UGGT2: variants seen among roughly 807,000 people sequenced by gnomAD.
The protein encoded by UGGT2 is UDP-glucose:glycoprotein glucosyltransferase 2.
Under a neutral mutation model 192.1 loss-of-function variants are expected in UGGT2, and 180 were observed. That is an observed-to-expected ratio of 0.94 (90% CI 0.83 to 1.06). The LOEUF is 1.06. Among genes scored for constraint, UGGT2 ranks in the 50% least tolerant of loss-of-function variants. The pLI is 0.00. For missense variants in UGGT2, 1,849 were observed against 1,795.7 expected (o/e 1.03, Z -0.54); for synonymous variants, 580 against 591.0 (o/e 0.98, Z 0.27).
At chr13:95,905,488 G>A (rs2048257435) in intron 20 of UGGT2, among the ~76,000 whole-genome samples, 1 of 151,704 alleles carries the variant, frequency 6.6e-6, no homozygotes, top group Non-Finnish European at 1.5e-5. Flanking sequence ...GTGTAAGGAA[G>A]GGATCCAGTT....
chr13:95,915,795 G>A (rs1487106393), intron 20 of UGGT2, among the ~76,000 whole-genome samples: 1 of 152,178 alleles, frequency 6.6e-6, no homozygotes, highest in African/African-American at 2.4e-5. Flanking sequence ...TGGCCAGACT[G>A]CTTCTTTAAG....
chr13:95,991,469 C>T (rs1338785306), intron 7 of UGGT2: 3 of 454,416 alleles, frequency 6.6e-6, no homozygotes, highest in Non-Finnish European at 1.3e-5. Context: ...AGTCAATAGA[C>T]AAGCCTTTGA....
At chr13:95,987,704 T>C (rs1331484249) in intron 8 of UGGT2, among the ~76,000 whole-genome samples, 1 of 152,142 alleles carries the variant, frequency 6.6e-6, no homozygotes, top group African/African-American at 2.4e-5. Flanking sequence ...GTGCATGAAA[T>C]CAGTCCTTAA....
At chr13:96,028,686 A>G (rs927870319) in intron 2 of UGGT2, among the ~76,000 whole-genome samples, 1 of 152,264 alleles carries the variant, frequency 6.6e-6, no homozygotes, top group African/African-American at 2.4e-5. Context: ...TCAAAAAGTT[A>G]AATGTTCAAT....
intron 7 of UGGT2, among the ~76,000 whole-genome samples, chr13:95,992,071 G>T (rs929631919): frequency 2.0e-5 from 3 of 152,164 alleles, no homozygotes; most frequent in Non-Finnish European, 2.9e-5. Flanking sequence ...GCTGAGGCAG[G>T]AGAATTGCTT....
At chr13:95,993,897 C>G (rs2051534293) in intron 7 of UGGT2, among the ~76,000 whole-genome samples, 2 of 151,944 alleles carry the variant, frequency 1.3e-5, no homozygotes, top group Non-Finnish European at 2.9e-5. Context: ...TACAGCCATC[C>G]CCATTCATGA....
At position 95,902,851 on chromosome 13, in the gene UGGT2, G is replaced by A. The variant is rs370231787; in HGVS notation, c.2502+3C>T. 154 of 1,610,464 alleles carry A rather than the reference G, an allele frequency of 9.6e-5. No homozygotes were observed. Among genetic ancestry groups the A allele is most frequent in the Non-Finnish European group, 1.3e-4 (148 of 1,178,238 alleles). On this transcript the variant is annotated splice_donor_region_variant and intron_variant, in intron 21 of 38. Transcript: ENST00000376747. ...ATATTTAATATTTCAAATAGCTACTGACCTCAATAAGGAATGTTTTAATTT... is the reference window on the plus strand; with the variant it reads ...ATATTTAATATTTCAAATAGCTACTAACCTCAATAAGGAATGTTTTAATTT...
intron 4 of UGGT2, among the ~76,000 whole-genome samples, chr13:96,020,371 A>G (rs561885496): frequency 1.7e-4 from 26 of 152,220 alleles, no homozygotes; most frequent in Non-Finnish European, 3.4e-4. Flanking sequence ...AGTCTATACA[A>G]AGTTGTGATT....
At chr13:96,001,424 G>A (rs929029150) in intron 5 of UGGT2, among the ~76,000 whole-genome samples, 2 of 151,290 alleles carry the variant, frequency 1.3e-5, no homozygotes, top group East Asian at 1.9e-4. Context: ...CTTATAAAAC[G>A]GCCCCACCCC....
chr13:95,838,436 G>A (rs1428521240), intron 36 of UGGT2, among the ~76,000 whole-genome samples: 1 of 152,130 alleles, frequency 6.6e-6, no homozygotes, highest in Non-Finnish European at 1.5e-5. Context: ...ATTTTGTGGA[G>A]ATTGGCCAAC....
At chr13:96,038,363 C>G (rs2053066125) in intron 1 of UGGT2, among the ~76,000 whole-genome samples, 1 of 152,068 alleles carries the variant, frequency 6.6e-6, no homozygotes, top group African/African-American at 2.4e-5. Flanking sequence ...TGGCCAAATG[C>G]TATGAGAGAA....
chr13:95,982,479 T>C (rs1271412871), intron 10 of UGGT2, among the ~76,000 whole-genome samples: 3 of 152,156 alleles, frequency 2.0e-5, no homozygotes, highest in African/African-American at 4.8e-5. Context: ...ATATGCATAA[T>C]AGGGTGGAGT....
chr13:95,978,380 T>C (rs909234555), intron 10 of UGGT2, among the ~76,000 whole-genome samples: 3 of 152,180 alleles, frequency 2.0e-5, no homozygotes, highest in African/African-American at 7.2e-5. Flanking sequence ...ATTAGATTAT[T>C]CATTGTTTTG....
In UGGT2 at chr13:95,838,632, T is replaced by C. The variant is rs977473882; in HGVS notation, c.4285-1430A>G. Among the ~76,000 whole-genome samples the C allele has an allele frequency of 7.2e-5, 11 of 152,168 alleles. No individual in the cohort carries two copies. In the South Asian group the frequency reaches 1.0e-3, roughly 14 times the overall value. On this transcript the variant is annotated intron_variant, in intron 36 of 38. Transcript: ENST00000376747. ...TGGAACACAATAAAGAGCCCAGAAA[T>C]AGAAAATTACCCATACTTTCTGCTC... is the stretch of plus-strand genomic sequence containing the variant.
intron 20 of UGGT2, among the ~76,000 whole-genome samples, chr13:95,921,498 A>G (rs1177283704): frequency 6.6e-6 from 1 of 152,146 alleles, no homozygotes; most frequent in Non-Finnish European, 1.5e-5. Flanking sequence ...TTTTTCCCCC[A>G]AGAACACTAC....
intron 1 of UGGT2, among the ~76,000 whole-genome samples, chr13:96,036,948 G>GT (rs1166170311): frequency 6.6e-6 from 1 of 152,058 alleles, no homozygotes; most frequent in African/African-American, 2.4e-5. Context: ...TTTTTTAAAG[G>GT]TAACAAGCTG....
rs191087555 is a variant in UGGT2 at position 95,936,686 on chromosome 13, G to T, written c.1977+238C>A. Among the ~76,000 whole-genome samples, 106 of 152,366 alleles carry T rather than the reference G, an allele frequency of 7.0e-4. 1 individual carries two copies. The highest frequency in any genetic ancestry group is 3.4e-3 in the Middle Eastern group (1 of 294). On this transcript the variant is annotated intron_variant, in intron 17 of 38. Coordinates refer to ENST00000376747, the MANE Select transcript of UGGT2 (RefSeq NM_020121.4). Reference sequence around the variant, plus strand: ...AAACTCCTAATCGAGGACAGTGGGTGTTCCAGATTCCTGAAGATCTGCCTG... The same window carrying T: ...AAACTCCTAATCGAGGACAGTGGGTTTTCCAGATTCCTGAAGATCTGCCTG...
intron 25 of UGGT2, among the ~76,000 whole-genome samples, chr13:95,889,601 C>T (rs2047743831): frequency 6.6e-6 from 1 of 152,134 alleles, no homozygotes. Flanking sequence ...AAACATACAG[C>T]CTTCTAATGG....
At chr13:95,977,908 T>C (rs1456798321) in intron 10 of UGGT2, among the ~76,000 whole-genome samples, 1 of 152,172 alleles carries the variant, frequency 6.6e-6, no homozygotes, top group African/African-American at 2.4e-5. Context: ...TGGATGAAGC[T>C]AGAAGCCATC....
Sources: gnomAD v4.1 joint callset for allele counts (sites outside exome capture counted in the v4.1 genomes callset) on GRCh38, gnomAD v4.1.1 for gene constraint, MANE v1.5 for transcripts, NCBI Gene and HGNC (gene_info 2026-07-23, HGNC 2026-07-21) for gene names.